The following CSMD2 variants were observed in gnomAD, a reference collection of about 807,000 sequenced individuals.
CSMD2 encodes CUB and Sushi multiple domains 2.
CSMD2 carries 130 observed loss-of-function variants against 398.5 expected under a neutral mutation model. The ratio of observed to expected loss-of-function variants is 0.33; its 90% CI spans 0.28 to 0.38. The LOEUF is 0.38. Ranked by LOEUF, CSMD2 falls within the 10% of genes least tolerant of loss-of-function variation. CSMD2 has a pLI of 1.00. For missense variants in CSMD2, 3,829 were observed against 4,764.9 expected, an observed-to-expected ratio of 0.80 and a Z score of 5.78; for synonymous variants, 1,828 against 1,908.5, an observed-to-expected ratio of 0.96 and a Z score of 1.10.
At chr1:33,898,959 G>A (rs1642574210) in intron 5 of CSMD2, among the ~76,000 whole-genome samples, 1 of 152,204 alleles carries the variant, frequency 6.6e-6, no homozygotes, top group Non-Finnish European at 1.5e-5. Flanking sequence ...AGGCCTGCCT[G>A]TGACTCTTCC....
chr1:33,567,673 G>C lies in CSMD2; in HGVS notation c.8300C>G (p.Ala2767Gly), dbSNP rs34239720. ...AGACATGCCGATCAGGCGGAAGCCAGCATTGCATTGGTACACCACACTGCC... is the reference window on the plus strand; with the variant it reads ...AGACATGCCGATCAGGCGGAAGCCACCATTGCATTGGTACACCACACTGCC... Reference protein sequence around the residue: ...YRGSVVYQCNAGFRLIGMSVR... With the variant: ...YRGSVVYQCNGGFRLIGMSVR... Residue 2767 changes from alanine (A) to glycine (G), a missense_variant, in exon 53 of 71, where the codon GCT becomes GGT. Transcript: ENST00000373381. 1.2e-3 allele frequency: 1,889 copies of C among 1,614,162 alleles called. 17 individuals carry two copies. The African/African-American group carries it at 0.022, about 19-fold the overall frequency.
intron 13 of CSMD2, among the ~76,000 whole-genome samples, chr1:33,767,532 C>T (rs1650668002): frequency 6.6e-6 from 1 of 152,070 alleles, no homozygotes; most frequent in Admixed American, 6.6e-5. Flanking sequence ...CCCCAAAGGC[C>T]CTTCAGTTTA....
chr1:33,582,507 T>A (rs1048846593), intron 47 of CSMD2, among the ~76,000 whole-genome samples: 3 of 152,154 alleles, frequency 2.0e-5, no homozygotes, highest in South Asian at 2.1e-4. Flanking sequence ...TGGGTCCCTA[T>A]GAAAAAAGAC....
At chr1:34,078,526 G>T (rs1571029125) in intron 2 of CSMD2, among the ~76,000 whole-genome samples, 1 of 152,152 alleles carries the variant, frequency 6.6e-6, no homozygotes, top group East Asian at 1.9e-4. Context: ...GACCACGTAA[G>T]CATCTATAGC....
rs755814921 is a variant in CSMD2, at chr1:33,918,082, T to A, written c.920+12A>T. 7 of 1,610,934 alleles carry A rather than the reference T, an allele frequency of 4.3e-6. No homozygotes were observed. ...AGAATAGGGTAGGAAAGGAAGGTGA[T>A]GTTGTGCTTACCAGAGGGAGGAGCC... is the stretch of plus-strand genomic sequence containing the variant. On this transcript the variant is annotated intron_variant, in intron 5 of 70. Coordinates refer to ENST00000373381, the MANE Select transcript of CSMD2 (RefSeq NM_001281956.2).
In CSMD2 at chr1:33,970,037, C is replaced by T. The variant is rs373037856; in HGVS notation, c.518-34083G>A. 7.3e-5 allele frequency among the ~76,000 whole-genome samples: 11 copies of T among 149,686 alleles called. 1 individual carries two copies. Among genetic ancestry groups the T allele is most frequent in the Admixed American group, 5.4e-4 (8 of 14,906 alleles). On this transcript the variant is annotated intron_variant, in intron 3 of 70. Transcript: ENST00000373381. ...AGGACAATTGCTTGAACCTGGGAGG[C>T]GGAGGTTGCAGTAAGCCGAGATCAC...
In CSMD2 at chr1:33,521,479, G is replaced by A. The variant is rs772225864; in HGVS notation, c.10581C>T (p.Phe3527=). ...GSVKGQGFGQ[F]GFQRLDLRLL... is the part of the protein sequence containing the mutation. ...ACTAGTTACCCAGTCTTTGAAAGCC[G>A]AACTGCCCAAAGCCTTGGCCCTTGA... Residue 3527 remains phenylalanine, a synonymous_variant, in exon 68 of 71, where the codon TTC becomes TTT. Coordinates refer to ENST00000373381, the MANE Select transcript of CSMD2 (RefSeq NM_001281956.2). 3.2e-6 allele frequency: 5 copies of A among 1,574,360 alleles called. No homozygotes were observed. Among genetic ancestry groups the A allele is most frequent in the Middle Eastern group, 1.7e-4 (1 of 5,882 alleles).
At chr1:34,015,084 C>T (rs1647893743) in intron 3 of CSMD2, among the ~76,000 whole-genome samples, 1 of 152,198 alleles carries the variant, frequency 6.6e-6, no homozygotes, top group Non-Finnish European at 1.5e-5. Context: ...TGTATCTTAC[C>T]CCTCATTTGA....
intron 37 of CSMD2, 53 bp from the exon 38 acceptor site, chr1:33,617,670 A>G (rs1641484574): frequency 1.4e-6 from 2 of 1,396,132 alleles, no homozygotes; most frequent in African/African-American, 2.8e-5. Context: ...CAGCAGGTCA[A>G]CGTGGCGGTA....
At position 34,164,487 on chromosome 1, in the gene CSMD2, G is replaced by T. The variant is rs981529151; in HGVS notation, c.187+424C>A. 6.6e-6 allele frequency among the ~76,000 whole-genome samples: 1 copy of T among 152,070 alleles called. No homozygotes were observed. The highest frequency in any genetic ancestry group is 2.4e-5 in the African/African-American group (1 of 41,442). On this transcript the variant is annotated intron_variant, in intron 1 of 70. Coordinates refer to ENST00000373381, the MANE Select transcript of CSMD2 (RefSeq NM_001281956.2). This position sits in a 1 kb window ranked among gnomAD's most constrained non-coding sequence, Gnocchi z 6.2. ...GGAGGGGGCGCACGGTTCCTCTCCA[G>T]CCCCCAGGACCAGCGTGCCTGGCAG...
At chr1:33,746,457 G>A (rs1034767694) in intron 13 of CSMD2, among the ~76,000 whole-genome samples, 4 of 152,262 alleles carry the variant, frequency 2.6e-5, no homozygotes, top group Admixed American at 6.5e-5. Flanking sequence ...AATAAGGCCT[G>A]AGACCCTCTC....
chr1:33,886,217 T>A (rs1029819129), intron 5 of CSMD2, among the ~76,000 whole-genome samples: 2 of 150,782 alleles, frequency 1.3e-5, no homozygotes, highest in African/African-American at 2.4e-5. Context: ...CATCAAAGAG[T>A]TTTCAGCAAG....
chr1:34,146,435 T>C (rs938562073), intron 1 of CSMD2, among the ~76,000 whole-genome samples: 2 of 152,138 alleles, frequency 1.3e-5, no homozygotes, highest in African/African-American at 2.4e-5. Context: ...CTTTGTCTTG[T>C]CCCTCCTCTT....
At chr1:33,955,126 G>A (rs191649975) in intron 3 of CSMD2, among the ~76,000 whole-genome samples, 2,172 of 152,252 alleles carry the variant, frequency 0.014, 21 homozygotes, top group Non-Finnish European at 0.023. Context: ...CACACTGCCC[G>A]GATCCCCATC....
At chr1:33,846,204 GT>G (rs1456918051) in intron 6 of CSMD2, among the ~76,000 whole-genome samples, 1 of 152,208 alleles carries the variant, frequency 6.6e-6, no homozygotes, top group African/African-American at 2.4e-5. Context: ...CTTTTTATAG[GT>G]GGTTCTTGGG....
chr1:34,039,556 G>A lies in CSMD2; in HGVS notation c.405-6850C>T, dbSNP rs541852701. 3.8e-4 allele frequency among the ~76,000 whole-genome samples: 58 copies of A among 152,340 alleles called. 1 individual carries two copies. The highest frequency in any genetic ancestry group is 1.3e-3 in the African/African-American group (55 of 41,584). On this transcript the variant is annotated intron_variant, in intron 2 of 70. Coordinates refer to ENST00000373381, the MANE Select transcript of CSMD2 (RefSeq NM_001281956.2). Reference sequence around the variant, plus strand: ...CAACAGATCAGAAGACACTGCCGCTGAAAAGATAACACAGTTTCCTAGAGG... The same window carrying A: ...CAACAGATCAGAAGACACTGCCGCTAAAAAGATAACACAGTTTCCTAGAGG...
At chr1:33,875,293 AAAG>A (rs1263710878) in intron 5 of CSMD2, among the ~76,000 whole-genome samples, 3 of 152,222 alleles carry the variant, frequency 2.0e-5, no homozygotes, top group African/African-American at 4.8e-5. Flanking sequence ...GGACTTCAGA[AAAG>A]AAGGGGGCTG....
At chr1:34,077,786 G>T (rs974121032) in intron 2 of CSMD2, among the ~76,000 whole-genome samples, 2 of 148,250 alleles carry the variant, frequency 1.3e-5, no homozygotes, top group Admixed American at 6.7e-5. Flanking sequence ...GACTCCAAAA[G>T]GGAGGAGTTT....
At chr1:33,613,757 C>T (rs1366201028) in intron 40 of CSMD2, among the ~76,000 whole-genome samples, 1 of 152,172 alleles carries the variant, frequency 6.6e-6, no homozygotes, top group Admixed American at 6.5e-5. Context: ...GCAAGATGAC[C>T]CGTGCGTACG....
Sources: gnomAD v4.1 joint callset for allele counts (sites outside exome capture counted in the v4.1 genomes callset) on GRCh38, gnomAD v4.1.1 for gene constraint, Gnocchi (gnomAD v3.1) non-coding constraint, MANE v1.5 for transcripts, NCBI Gene and HGNC (gene_info 2026-07-23, HGNC 2026-07-21) for gene names.